SLC17A1: variants seen among roughly 807,000 people sequenced by gnomAD.
The protein encoded by SLC17A1 is sodium-dependent phosphate transport protein 1.
A neutral mutation model predicts 53.5 loss-of-function variants in SLC17A1; 51 were observed. The ratio of observed to expected loss-of-function variants is 0.95; its 90% CI spans 0.76 to 1.20. The LOEUF is 1.20. SLC17A1 is among the 50% of genes most tolerant of loss of function. The probability of loss-of-function intolerance (pLI) is 0.00; values close to 1 mark genes in which losing one functional copy is unlikely to be tolerated. For missense variants in SLC17A1, 538 were observed against 568.2 expected (o/e 0.95, Z 0.54); for synonymous variants, 179 against 198.8 (o/e 0.90, Z 0.84).
chr6:25,724,151 C>T, the SLC17A1 span, among the ~76,000 whole-genome samples: 2 of 152,146 alleles, frequency 1.3e-5, no homozygotes, highest in African/African-American at 2.4e-5. Context: ...AGGCTGGGTG[C>T]GGTGGCTAAC....
the SLC17A1 span, chr6:25,726,986 G>GT: frequency 6.2e-7 from 1 of 1,614,144 alleles, no homozygotes; most frequent in Non-Finnish European, 8.5e-7. Flanking sequence ...CCCAGAAAAA[G>GT]GAAGGCAAAA....
chr6:25,783,317 G>T (rs1313312894), intron 12 of SLC17A1, 99 bp from the exon 13 acceptor site: 1 of 152,158 alleles, frequency 6.6e-6, no homozygotes, highest in East Asian at 1.9e-4. Context: ...ATTTCAAAAA[G>T]ATGGTCTCGT....
At chr6:25,830,387 C>T in intron 2 of SLC17A1, 137 bp downstream of exon 2, 1 of 639,604 alleles carries the variant, frequency 1.6e-6, no homozygotes, top group Non-Finnish European at 2.8e-6. Context: ...CATAGTAGGA[C>T]TGGTTTCTTC....
intron 12 of SLC17A1, among the ~76,000 whole-genome samples, chr6:25,788,076 A>G (rs866518363): frequency 7.2e-5 from 11 of 152,176 alleles, no homozygotes; most frequent in African/African-American, 2.2e-4. Flanking sequence ...ATTTCTTAAC[A>G]TAAAGAGCTT....
the SLC17A1 span, chr6:25,769,176 G>A: frequency 6.2e-7 from 1 of 1,613,894 alleles, no homozygotes; most frequent in Non-Finnish European, 8.5e-7. Context: ...AACTCTAAAA[G>A]AATTTAAAGC....
At chr6:25,779,925 G>A (rs1282521094), downstream of SLC17A1, 2 of 152,200 alleles carry the variant, frequency 1.3e-5, no homozygotes, top group Non-Finnish European at 2.9e-5. Context: ...AGTTCTTCAT[G>A]TAGCACTGCT....
At chr6:25,724,749 C>A in the SLC17A1 span, among the ~76,000 whole-genome samples, 18 of 152,278 alleles carry the variant, frequency 1.2e-4, no homozygotes, top group East Asian at 3.5e-3. Context: ...TGTCTTATAT[C>A]CTGATTTTAA....
At chr6:25,802,942 T>C (rs1348192425) in intron 10 of SLC17A1, among the ~76,000 whole-genome samples, 2 of 98,774 alleles carry the variant, frequency 2.0e-5, no homozygotes, top group African/African-American at 1.1e-4. Context: ...CTTCTTTTTT[T>C]TTTTTTTTTT....
chr6:25,814,170 A>G (rs906578332), intron 6 of SLC17A1, among the ~76,000 whole-genome samples: 1 of 152,186 alleles, frequency 6.6e-6, no homozygotes, highest in African/African-American at 2.4e-5. Flanking sequence ...CTCTGCTGGG[A>G]CAGAAAGTAT....
chr6:25,731,680 T>C, the SLC17A1 span: 22 of 765,546 alleles, frequency 2.9e-5, no homozygotes, highest in African/African-American at 3.4e-4. Flanking sequence ...CAACGAGGCA[T>C]ACTCTATAAT....
At chr6:25,757,679 G>A in the SLC17A1 span, among the ~76,000 whole-genome samples, 4 of 152,036 alleles carry the variant, frequency 2.6e-5, no homozygotes, top group African/African-American at 7.2e-5. Flanking sequence ...ATCTTTCCAG[G>A]GCTGGTGGGT....
intron 6 of SLC17A1, among the ~76,000 whole-genome samples, chr6:25,814,532 C>T (rs1382916258): frequency 1.3e-5 from 2 of 151,982 alleles, no homozygotes; most frequent in African/African-American, 4.8e-5. Context: ...CCCTAGATGG[C>T]GAGGCTGGGG....
the SLC17A1 span, among the ~76,000 whole-genome samples, chr6:25,764,912 A>G: frequency 0.1 from 15,847 of 152,262 alleles, 1,047 homozygotes; most frequent in Middle Eastern, 0.16. Flanking sequence ...AAATTATACA[A>G]TGTTATTGCA....
intron 12 of SLC17A1, among the ~76,000 whole-genome samples, chr6:25,790,199 T>A (rs1443545490): frequency 6.6e-6 from 1 of 152,174 alleles, no homozygotes; most frequent in African/African-American, 2.4e-5. Flanking sequence ...TTAACAATAC[T>A]CCATCCGGGT....
chr6:25,726,729 G>A, the SLC17A1 span: 3 of 1,070,190 alleles, frequency 2.8e-6, no homozygotes, highest in East Asian at 2.4e-5. Flanking sequence ...CGAACGCGGC[G>A]TTTGAGGGCC....
the SLC17A1 span, among the ~76,000 whole-genome samples, chr6:25,740,215 TGTAAA>T: frequency 1.3e-5 from 2 of 151,984 alleles, no homozygotes; most frequent in African/African-American, 4.8e-5. Flanking sequence ...TGAAGAGAAA[TGTAAA>T]GTCACAGGCT....
At chr6:25,791,307 T>C (rs1159832957) in intron 12 of SLC17A1, among the ~76,000 whole-genome samples, 2 of 152,182 alleles carry the variant, frequency 1.3e-5, no homozygotes, top group Non-Finnish European at 2.9e-5. Flanking sequence ...CAGCTGATAC[T>C]AGAAAATAAT....
chr6:25,746,839 A>G, the SLC17A1 span, among the ~76,000 whole-genome samples: 1 of 152,202 alleles, frequency 6.6e-6, no homozygotes, highest in East Asian at 1.9e-4. Flanking sequence ...ATGAAAAACA[A>G]TATGGCAGGA....
the SLC17A1 span, among the ~76,000 whole-genome samples, chr6:25,755,728 C>T: frequency 6.6e-6 from 1 of 152,156 alleles, no homozygotes; most frequent in Non-Finnish European, 1.5e-5. Context: ...GACTCACAGA[C>T]ACAAAACTTA....
Sources: allele counts gnomAD v4.1 joint callset (sites outside exome capture counted in the v4.1 genomes callset), GRCh38; gene constraint gnomAD v4.1.1; transcripts MANE v1.5; gene names NCBI Gene and HGNC (gene_info 2026-07-23, HGNC 2026-07-21).